The following COA8 variants were observed in gnomAD, a reference collection of about 807,000 sequenced individuals.
COA8 encodes the protein cytochrome c oxidase assembly factor 8.
In COA8, 20 loss-of-function variants were observed where a neutral mutation model predicts 22.0. That is an observed-to-expected ratio of 0.91 (90% CI 0.64 to 1.32). COA8 has a LOEUF of 1.32. Among genes scored for constraint, COA8 ranks in the 40% most tolerant of loss-of-function variants. The pLI, the probability that COA8 is intolerant of heterozygous loss-of-function variation, is 0.00. For missense variants in COA8, 266 were observed against 230.0 expected, an observed-to-expected ratio of 1.16 and a Z score of -1.01; for synonymous variants, 105 against 79.9, an observed-to-expected ratio of 1.31 and a Z score of -1.68.
rs1653538381 is a variant in COA8, at chr14:103,590,494, C to T, written c.*208C>T. The T allele has an allele frequency of 7.8e-6, 4 of 512,458 alleles. No individual in the cohort carries two copies. The highest frequency in any genetic ancestry group is 1.0e-5 in the Non-Finnish European group (3 of 288,690). 31.7% of individuals were successfully genotyped at this position (512,458 alleles called of 1,614,324 possible). A position where few individuals can be genotyped will look rare whatever the true frequency, so the allele number is the denominator to read the frequency against. On this transcript the variant is annotated 3_prime_UTR_variant, in exon 5 of 5. Transcript: ENST00000409074. ...TGGGCTCTAGGCCAGCTTGTTGTCA[C>T]GTACGTGGTGTGAAATAAAGCCCAA...
chr14:103,583,640 C>A (rs769623632), intron 3 of COA8, among the ~76,000 whole-genome samples: 1 of 151,712 alleles, frequency 6.6e-6, no homozygotes, highest in Non-Finnish European at 1.5e-5. Flanking sequence ...TCAACACCAG[C>A]TATAGGTGTC....
In COA8 at chr14:103,563,019, G is replaced by C. The variant is rs868618550; in HGVS notation, c.18G>C (p.Ala6=). The change falls in exon 1 of 5, where the codon GCG becomes GCC. Residue 6 remains alanine, a synonymous_variant. Transcript: ENST00000409074. The part of the protein sequence containing the change: MVVLR[A]GKKTFLPPLC... Reference sequence around the variant, plus strand: ...GTGGGGCCATGGTGGTCTTGCGGGCGGGGAAGAAGACCTTTCTCCCCCCTC... The same window carrying C: ...GTGGGGCCATGGTGGTCTTGCGGGCCGGGAAGAAGACCTTTCTCCCCCCTC... 1 of 1,557,390 alleles carries C rather than the reference G, an allele frequency of 6.4e-7. No individual in the cohort carries two copies. Among genetic ancestry groups the C allele is most frequent in the East Asian group, 2.3e-5 (1 of 43,100 alleles).
At position 103,581,060 on chromosome 14, in the gene COA8, A is replaced by G. The variant is rs2142296817; in HGVS notation, c.386-6214A>G. ...GGTGATCCGCCCGTCTTGGCCTCCC[A>G]AAGTCCTGGGATTACAGGCGTGAGC... On this transcript the variant is annotated intron_variant, in intron 3 of 4. Transcript: ENST00000409074. This position sits in a 1 kb window ranked among gnomAD's most constrained non-coding sequence, Gnocchi z 4.1. Among the ~76,000 whole-genome samples the G allele has an allele frequency of 6.6e-6, 1 of 152,134 alleles. No homozygotes were observed. The highest frequency in any genetic ancestry group is 2.4e-5 in the African/African-American group (1 of 41,520).
At chr14:103,573,884 C>G (rs1566980524) in intron 2 of COA8, among the ~76,000 whole-genome samples, 1 of 152,064 alleles carries the variant, frequency 6.6e-6, no homozygotes, top group Admixed American at 6.6e-5. Flanking sequence ...AACAGCGTCT[C>G]CCAAAGTTTA....
chr14:103,582,034 C>T (rs2076271175), intron 3 of COA8, among the ~76,000 whole-genome samples: 2 of 152,184 alleles, frequency 1.3e-5, no homozygotes, highest in South Asian at 4.1e-4. Context: ...GAAGGTGGCA[C>T]CTTCAGGGAA....
At chr14:103,589,152 C>T (rs939543605) in intron 4 of COA8, among the ~76,000 whole-genome samples, 8 of 152,270 alleles carry the variant, frequency 5.3e-5, no homozygotes, top group African/African-American at 1.7e-4. Context: ...CCCTGCCTTC[C>T]CTGTGGCAAC....
chr14:103,579,442 T>TTCTGA, intron 3 of COA8: 1 of 184,698 alleles, frequency 5.4e-6, no homozygotes, highest in South Asian at 7.1e-5. Flanking sequence ...CTCTGCCTCC[T>TTCTGA]GGTTCAAGCG....
At chr14:103,589,913 CAAAA>C (rs1026898331) in intron 4 of COA8, among the ~76,000 whole-genome samples, 1 of 132,502 alleles carries the variant, frequency 7.5e-6, no homozygotes, top group Non-Finnish European at 1.6e-5. Flanking sequence ...GACTCCGTCT[CAAAA>C]AAAAAAAACA....
chr14:103,563,241 C>A, intron 1 of COA8, 117 bp downstream of exon 1: 1 of 1,364,564 alleles, frequency 7.3e-7, no homozygotes, highest in South Asian at 1.2e-5. Flanking sequence ...TCCAGGTGCT[C>A]TCGCGTCCTA....
chr14:103,573,108 TTATAAA>T (rs1157370019), intron 2 of COA8, among the ~76,000 whole-genome samples: 2 of 152,072 alleles, frequency 1.3e-5, no homozygotes, highest in African/African-American at 4.8e-5. Flanking sequence ...AACAGGATAC[TTATAAA>T]TAAACTGTGT....
intron 3 of COA8, among the ~76,000 whole-genome samples, chr14:103,586,373 A>G (rs189352714): frequency 1.8e-3 from 267 of 150,738 alleles, no homozygotes; most frequent in Non-Finnish European, 2.8e-3. Context: ...ATACCTAGCT[A>G]ATTTTTTTAT....
At chr14:103,563,170 G>C in intron 1 of COA8, 46 bp downstream of exon 1, 1 of 1,537,672 alleles carries the variant, frequency 6.5e-7, no homozygotes, top group Non-Finnish European at 8.7e-7. Context: ...GTGACCGGAA[G>C]GGAAGACAAA....
At chr14:103,580,351 C>T (rs1566983318) in intron 3 of COA8, among the ~76,000 whole-genome samples, 1 of 152,050 alleles carries the variant, frequency 6.6e-6, no homozygotes, top group Non-Finnish European at 1.5e-5. Flanking sequence ...ATCTGTCACC[C>T]AGGCTGGAGT....
intron 3 of COA8, among the ~76,000 whole-genome samples, chr14:103,575,806 C>T (rs183590647): frequency 1.3e-3 from 205 of 152,152 alleles, no homozygotes; most frequent in African/African-American, 4.7e-3. Context: ...CTCAAGTGAT[C>T]CTCCCACTTC....
In COA8 at chr14:103,580,362, G is replaced by A. The variant is rs140943949; in HGVS notation, c.385+6192G>A. ...ATCAATCTGTCACCCAGGCTGGAGT[G>A]CAGTGGTGCAGTCTCTGCTCACTGC... On this transcript the variant is annotated intron_variant, in intron 3 of 4. Coordinates refer to ENST00000409074, the MANE Select transcript of COA8 (RefSeq NM_001370595.2). Among the ~76,000 whole-genome samples the A allele has an allele frequency of 3.1e-3, 477 of 152,174 alleles. 3 individuals carry two copies. The highest frequency in any genetic ancestry group is 5.7e-3 in the Non-Finnish European group (385 of 68,008).
chr14:103,578,024 CAAAAAAAAAAA>C (rs780479034), intron 3 of COA8, among the ~76,000 whole-genome samples: 2 of 49,130 alleles, frequency 4.1e-5, no homozygotes, highest in Non-Finnish European at 3.7e-5. Context: ...AACTCCATCT[CAAAAAAAAAAA>C]AAAAAAAAAA....
At chr14:103,577,515 A>C (rs1383697097) in intron 3 of COA8, among the ~76,000 whole-genome samples, 1 of 152,174 alleles carries the variant, frequency 6.6e-6, no homozygotes, top group Non-Finnish European at 1.5e-5. Context: ...CTTTTCCAGA[A>C]GAATTTAGCT....
Position 103,571,618 on chromosome 14 carries a change from TA to T in COA8, c.124-2del, listed in dbSNP as rs778249661. ...CATATGTTAATCCAATTTACTTTGT[TA>T]AAGGTCTCAAGATTCTGCCCTCCAA... is the stretch of plus-strand genomic sequence containing the variant. On this transcript the variant is annotated splice_region_variant and splice_polypyrimidine_tract_variant and intron_variant, in intron 1 of 4. Transcript: ENST00000409074. 6.2e-7 allele frequency: 1 copy of T among 1,611,722 alleles called. No individual in the cohort carries two copies. The highest frequency in any genetic ancestry group is 8.5e-7 in the Non-Finnish European group (1 of 1,178,412).
intron 3 of COA8, among the ~76,000 whole-genome samples, chr14:103,587,022 G>A (rs1331764605): frequency 6.6e-6 from 1 of 152,092 alleles, no homozygotes; most frequent in Non-Finnish European, 1.5e-5. Flanking sequence ...ATTTTTCAGT[G>A]TACACATCTT....
Sources: allele counts gnomAD v4.1 joint callset (sites outside exome capture counted in the v4.1 genomes callset), GRCh38; gene constraint gnomAD v4.1.1; non-coding constraint Gnocchi (gnomAD v3.1); transcripts MANE v1.5; gene names NCBI Gene and HGNC (gene_info 2026-07-23, HGNC 2026-07-21).